Variants in CSMD3 observed in about 807,000 individuals in gnomAD.
CSMD3 encodes CUB and sushi domain-containing protein 3.
In CSMD3, 177 loss-of-function variants were observed where a neutral mutation model predicts 435.2. That is an observed-to-expected ratio of 0.41 (90% CI 0.36 to 0.46). The LOEUF is 0.46. CSMD3 is among the 20% of genes least tolerant of loss of function. The probability of loss-of-function intolerance (pLI) is 0.34; values close to 1 mark genes in which losing one functional copy is unlikely to be tolerated. For missense variants in CSMD3, 4,265 were observed against 4,504.6 expected (o/e 0.95, Z 1.52); for synonymous variants, 1,656 against 1,520.5 (o/e 1.09, Z -2.07).
chr8:112,399,561 T>C (rs1211928324), intron 35 of CSMD3, among the ~76,000 whole-genome samples: 1 of 152,130 alleles, frequency 6.6e-6, no homozygotes, highest in East Asian at 1.9e-4. Flanking sequence ...GGTCCCGATT[T>C]CCAATCAATT....
rs958083638 is a variant in CSMD3 at position 112,517,319 on chromosome 8, T to C, written c.4565-94A>G. ...TTTAGAAAATTAATTTTTAAAATTT[T>C]GGGGTCAATTTTTAAATGCTATACA... is the stretch of plus-strand genomic sequence containing the variant. On this transcript the variant is annotated intron_variant, in intron 27 of 70. Coordinates refer to ENST00000297405, the MANE Select transcript of CSMD3 (RefSeq NM_198123.2). The C allele has an allele frequency of 3.2e-5, 28 of 881,678 alleles. No individual in the cohort carries two copies. The South Asian group carries it at 3.7e-4, about 12-fold the overall frequency. The allele number at this position is 881,678 out of a possible 1,614,324, so 54.6% of individuals were successfully genotyped here.
At chr8:112,794,458 C>T (rs2078774839) in intron 13 of CSMD3, among the ~76,000 whole-genome samples, 1 of 151,726 alleles carries the variant, frequency 6.6e-6, no homozygotes, top group Non-Finnish European at 1.5e-5. Flanking sequence ...CCACGCCCTG[C>T]TAATTTTTGT....
intron 3 of CSMD3, among the ~76,000 whole-genome samples, chr8:113,201,709 A>C (rs776624352): frequency 6.6e-6 from 1 of 152,068 alleles, no homozygotes; most frequent in Non-Finnish European, 1.5e-5. Context: ...GACTTTTGAA[A>C]TAAAAATCGT....
At chr8:112,436,679 A>G (rs1814391832) in intron 32 of CSMD3, among the ~76,000 whole-genome samples, 1 of 151,912 alleles carries the variant, frequency 6.6e-6, no homozygotes, top group Admixed American at 6.6e-5. Context: ...TGCATATACA[A>G]CAACTGTGTA....
chr8:113,101,558 G>A (rs2090330912), intron 4 of CSMD3, among the ~76,000 whole-genome samples: 1 of 151,952 alleles, frequency 6.6e-6, no homozygotes, highest in Non-Finnish European at 1.5e-5. Flanking sequence ...GACTCACAAT[G>A]CTGATAAATA....
intron 13 of CSMD3, among the ~76,000 whole-genome samples, chr8:112,727,077 A>G (rs921145479): frequency 4.6e-5 from 7 of 151,818 alleles, no homozygotes; most frequent in Admixed American, 2.0e-4. Flanking sequence ...AATACAGACT[A>G]TATTAAAAAA....
Position 112,990,938 on chromosome 8 carries a change from A to AT in CSMD3, c.1031-14791dup, listed in dbSNP as rs576463901. On this transcript the variant is annotated intron_variant, in intron 6 of 70. Coordinates refer to ENST00000297405, the MANE Select transcript of CSMD3 (RefSeq NM_198123.2). ...AATTTTCTTTCTGTGGATAGAAAAC[A>AT]TTTTTTTAAAATCCTGAAATTAAAA... Among the ~76,000 whole-genome samples, 576 of 151,906 alleles carry AT rather than the reference A, an allele frequency of 3.8e-3. 4 individuals carry two copies. The highest frequency in any genetic ancestry group is 0.013 in the African/African-American group (535 of 41,500).
intron 23 of CSMD3, among the ~76,000 whole-genome samples, chr8:112,586,567 T>A (rs1467022084): frequency 1.3e-5 from 2 of 151,186 alleles, no homozygotes; most frequent in African/African-American, 4.8e-5. Flanking sequence ...AGACATTGAC[T>A]TGTTAGGTTT....
In CSMD3 at chr8:113,149,682, G is replaced by A. The variant is rs2091760809; in HGVS notation, c.709+24040C>T. On this transcript the variant is annotated intron_variant, in intron 4 of 70. Transcript: ENST00000297405. ...TACTTTTAGCTAGTGAATGAAAAAT[G>A]GTATATTTCTCTAAAATATAATTTA... Among the ~76,000 whole-genome samples the A allele has an allele frequency of 2.0e-5, 3 of 151,838 alleles. No individual in the cohort carries two copies. The South Asian group carries it at 6.2e-4, about 31-fold the overall frequency.
intron 1 of CSMD3, among the ~76,000 whole-genome samples, chr8:113,343,652 T>C (rs2094134215): frequency 6.6e-6 from 1 of 152,128 alleles, no homozygotes; most frequent in South Asian, 2.1e-4. Flanking sequence ...GAACCACAGC[T>C]AGGTACATTA....
intron 16 of CSMD3, among the ~76,000 whole-genome samples, chr8:112,669,090 T>C (rs1308911581): frequency 6.6e-6 from 1 of 151,874 alleles, no homozygotes; most frequent in Non-Finnish European, 1.5e-5. Flanking sequence ...TGGAGTGCAA[T>C]TGCACAATCT....
chr8:113,306,646 A>C (rs1338618663), intron 2 of CSMD3, among the ~76,000 whole-genome samples: 1 of 152,148 alleles, frequency 6.6e-6, no homozygotes. Context: ...GTTCTATGGG[A>C]CATTGAGGGA....
chr8:112,857,885 T>C (rs781541439), intron 11 of CSMD3, among the ~76,000 whole-genome samples: 10 of 151,534 alleles, frequency 6.6e-5, no homozygotes, highest in Non-Finnish European at 1.5e-4. Context: ...AATAAACCAA[T>C]AAATATTTGT....
intron 10 of CSMD3, among the ~76,000 whole-genome samples, chr8:112,899,599 T>TTATATATATATATATA (rs71309794): frequency 8.1e-4 from 81 of 99,990 alleles, no homozygotes; most frequent in South Asian, 3.2e-3. Flanking sequence ...CTTGTCTATT[T>TTATATATATATATATA]TATATATATA....
chr8:113,379,664 C>T (rs1383341049), intron 1 of CSMD3, among the ~76,000 whole-genome samples: 1 of 152,058 alleles, frequency 6.6e-6, no homozygotes, highest in Non-Finnish European at 1.5e-5. Context: ...TCTCCAGCCC[C>T]CTTTGTAATT....
chr8:112,275,368 C>T (rs571979603), intron 59 of CSMD3, among the ~76,000 whole-genome samples: 5 of 151,810 alleles, frequency 3.3e-5, no homozygotes, highest in South Asian at 4.2e-4. Context: ...ATCAACATGG[C>T]GAAACCCTGT....
chr8:113,141,408 C>T (rs776894344), intron 4 of CSMD3, among the ~76,000 whole-genome samples: 3 of 150,550 alleles, frequency 2.0e-5, no homozygotes, highest in Non-Finnish European at 4.5e-5. Context: ...TGTCAATATC[C>T]CTCATGCATA....
chr8:113,269,558 T>C (rs1050056403), intron 3 of CSMD3, among the ~76,000 whole-genome samples: 1 of 152,070 alleles, frequency 6.6e-6, no homozygotes, highest in African/African-American at 2.4e-5. Context: ...GACTTCAAAC[T>C]ATACTACAAG....
At chr8:112,957,462 T>C (rs556296177) in intron 7 of CSMD3, among the ~76,000 whole-genome samples, 48 of 152,336 alleles carry the variant, frequency 3.2e-4, no homozygotes, top group African/African-American at 1.1e-3. Context: ...TTTGTTTGTT[T>C]GTTTGTTTTG....
Sources: gnomAD v4.1 joint callset for allele counts (sites outside exome capture counted in the v4.1 genomes callset) on GRCh38, gnomAD v4.1.1 for gene constraint, MANE v1.5 for transcripts, NCBI Gene and HGNC (gene_info 2026-07-23, HGNC 2026-07-21) for gene names.